CNTN3: variants seen among roughly 807,000 people sequenced by gnomAD.
The protein encoded by CNTN3 is contactin 3.
Under a neutral mutation model 119.1 loss-of-function variants are expected in CNTN3, and 60 were observed. That is an observed-to-expected ratio of 0.50 (90% CI 0.41 to 0.62). The LOEUF is 0.62. Ranked by LOEUF, CNTN3 falls within the 20% of genes least tolerant of loss-of-function variation. The probability of loss-of-function intolerance (pLI) is 0.00; values close to 1 mark genes in which losing one functional copy is unlikely to be tolerated. For synonymous variants in CNTN3, 450 were observed against 438.7 expected, an observed-to-expected ratio of 1.03 and a Z score of -0.32; for missense variants, 1,101 against 1,242.4, an observed-to-expected ratio of 0.89 and a Z score of 1.71.
intron 1 of CNTN3, among the ~76,000 whole-genome samples, chr3:74,608,291 T>C (rs562841173): frequency 6.6e-6 from 1 of 152,300 alleles, no homozygotes; most frequent in East Asian, 1.9e-4. Flanking sequence ...GCTTCCTCTT[T>C]GAAGGATGAC....
chr3:74,470,761 C>G (rs1702544866), intron 4 of CNTN3, among the ~76,000 whole-genome samples: 1 of 152,202 alleles, frequency 6.6e-6, no homozygotes, highest in Admixed American at 6.5e-5. Flanking sequence ...CTCCTCCTCC[C>G]TGTTACCCCT....
chr3:74,285,839 A>ATATATATATATATATATATATAT (rs1575698065), intron 19 of CNTN3, among the ~76,000 whole-genome samples: 1 of 133,296 alleles, frequency 7.5e-6, no homozygotes, highest in South Asian at 2.4e-4. Context: ...ATATATATAT[A>ATATATATATATATATATATATAT]AAATTAAAAA....
At position 74,371,425 on chromosome 3, in the gene CNTN3, G is replaced by T. The variant is rs759700338; in HGVS notation, c.455-26C>A. ...CTAATAAAATTGTTGAAGAGAGAAA[G>T]AAATTCCATCATTAAGGACAGTTTT... On this transcript the variant is annotated intron_variant, in intron 5 of 22. Transcript: ENST00000263665. The T allele has an allele frequency of 1.1e-5, 17 of 1,547,666 alleles. No individual in the cohort carries two copies. The Admixed American group carries it at 2.2e-4, about 20-fold the overall frequency.
chr3:74,273,105 C>T (rs9876394), intron 20 of CNTN3, among the ~76,000 whole-genome samples: 2,497 of 152,178 alleles, frequency 0.016, 80 homozygotes, highest in African/African-American at 0.057. Context: ...TGAGCCAAAA[C>T]CCAGACTGGA....
At chr3:74,272,402 C>G (rs2106753604) in intron 20 of CNTN3, among the ~76,000 whole-genome samples, 1 of 152,156 alleles carries the variant, frequency 6.6e-6, no homozygotes, top group South Asian at 2.1e-4. Flanking sequence ...CAGAATTTTT[C>G]CTGATTCTAT....
At chr3:74,470,425 G>T (rs536187081) in intron 4 of CNTN3, among the ~76,000 whole-genome samples, 1 of 152,106 alleles carries the variant, frequency 6.6e-6, no homozygotes, top group Non-Finnish European at 1.5e-5. Context: ...CTAGCAGCAG[G>T]ACCATAGTCA....
intron 1 of CNTN3, among the ~76,000 whole-genome samples, chr3:74,543,307 G>A (rs895713404): frequency 4.6e-5 from 7 of 152,134 alleles, no homozygotes; most frequent in Non-Finnish European, 8.8e-5. Flanking sequence ...TATTGCTTGG[G>A]AATGTTAATT....
chr3:74,448,805 T>A (rs1702094271), intron 4 of CNTN3, among the ~76,000 whole-genome samples: 1 of 152,108 alleles, frequency 6.6e-6, no homozygotes, highest in Non-Finnish European at 1.5e-5. Context: ...TTTTTCTATA[T>A]CCTTTGAAAA....
chr3:74,270,419 C>T (rs1701749344), intron 20 of CNTN3, among the ~76,000 whole-genome samples: 1 of 152,026 alleles, frequency 6.6e-6, no homozygotes, highest in Non-Finnish European at 1.5e-5. Context: ...GGAGTGGAGA[C>T]AGAATGGGAG....
chr3:74,550,120 G>C (rs1263722000), intron 1 of CNTN3, among the ~76,000 whole-genome samples: 6 of 152,152 alleles, frequency 3.9e-5, no homozygotes, highest in Non-Finnish European at 2.9e-5. Flanking sequence ...GGCATGAGCT[G>C]GGTCAGACCA....
intron 1 of CNTN3, among the ~76,000 whole-genome samples, chr3:74,582,410 A>C (rs1704526705): frequency 6.6e-6 from 1 of 152,154 alleles, no homozygotes; most frequent in Non-Finnish European, 1.5e-5. Flanking sequence ...CGTCTAAAAA[A>C]AAAAAAATCA....
chr3:74,473,642 T>C (rs951077753), intron 4 of CNTN3, among the ~76,000 whole-genome samples: 3 of 152,228 alleles, frequency 2.0e-5, no homozygotes, highest in African/African-American at 4.8e-5. Flanking sequence ...CAACATAGTC[T>C]TTTAATCTTT....
At position 74,299,898 on chromosome 3, in the gene CNTN3, T is replaced by C; in HGVS notation, c.2136A>G (p.Gly712=). The change falls in exon 17 of 23, where the codon GGA becomes GGG. Residue 712 remains glycine (G), a synonymous_variant. Transcript: ENST00000263665. ...VPPSEVNGGG[G]SRSELVITWD... The stretch of plus-strand genomic sequence containing the variant: ...AGGTTATCACAAGTTCAGACCGGCT[T>C]CCGCCTCCTCCATTGACTTCAGAAG... 2 of 1,606,284 alleles carry C rather than the reference T, an allele frequency of 1.2e-6. No homozygotes were observed. Among genetic ancestry groups the C allele is most frequent in the Non-Finnish European group, 1.7e-6 (2 of 1,176,702 alleles).
intron 6 of CNTN3, 90 bp downstream of exon 6, chr3:74,371,106 T>C: frequency 1.2e-6 from 1 of 868,048 alleles, no homozygotes; most frequent in Admixed American, 2.3e-5. Flanking sequence ...ACAATTCTTC[T>C]AGATGTACTT....
At chr3:74,434,714 A>T (rs1701838351) in intron 4 of CNTN3, among the ~76,000 whole-genome samples, 1 of 152,200 alleles carries the variant, frequency 6.6e-6, no homozygotes, top group African/African-American at 2.4e-5. Flanking sequence ...TGTTGCAAGG[A>T]AGAAATAAGA....
At chr3:74,606,954 T>G (rs1428134731) in intron 1 of CNTN3, among the ~76,000 whole-genome samples, 1 of 152,212 alleles carries the variant, frequency 6.6e-6, no homozygotes, top group Admixed American at 6.5e-5. Flanking sequence ...CCATATTACA[T>G]ATGAAGAAAA....
At chr3:74,277,762 G>T (rs1162957130) in intron 20 of CNTN3, among the ~76,000 whole-genome samples, 2 of 152,038 alleles carry the variant, frequency 1.3e-5, no homozygotes, top group African/African-American at 4.8e-5. Flanking sequence ...GGAAGTCCTA[G>T]CCAGAGCAAT....
At chr3:74,528,200 G>A (rs1703646440) in intron 1 of CNTN3, among the ~76,000 whole-genome samples, 2 of 151,620 alleles carry the variant, frequency 1.3e-5, no homozygotes, top group African/African-American at 4.8e-5. Flanking sequence ...TGATTCAATG[G>A]AAAATTATTC....
rs6549590 is a variant in CNTN3 at position 74,364,525 on chromosome 3, T to C, written c.1155A>G (p.Gln385=). Residue 385 remains glutamine, a synonymous_variant, in exon 10 of 23, where the codon CAA becomes CAG. Transcript: ENST00000263665. ...GGCCATGTTTGTTTTCTGCTATGCA[T>C]TGGAACATGCCAGAATCAGTCACAC... The part of the protein sequence containing the change: ...NLSVTDSGMF[Q]CIAENKHGLV... The C allele has an allele frequency of 0.52, 841,669 of 1,611,668 alleles. 222,521 individuals are homozygous for C. The highest frequency in any genetic ancestry group is 0.56 in the Middle Eastern group (3,398 of 6,050).
Sources: gnomAD v4.1 joint callset for allele counts (sites outside exome capture counted in the v4.1 genomes callset) on GRCh38, gnomAD v4.1.1 for gene constraint, MANE v1.5 for transcripts, NCBI Gene and HGNC (gene_info 2026-07-23, HGNC 2026-07-21) for gene names.